The following SHOC1 variants were observed in gnomAD, a reference collection of about 807,000 sequenced individuals.
SHOC1 encodes the protein protein shortage in chiasmata 1 ortholog.
A neutral mutation model predicts 179.2 loss-of-function variants in SHOC1; 136 were observed. The observed-to-expected ratio is 0.76, with a 90% CI of 0.66 to 0.87. The LOEUF is 0.87. SHOC1 is among the 40% of genes least tolerant of loss of function. SHOC1 has a pLI of 0.00. For synonymous variants in SHOC1, 489 were observed against 586.6 expected, an observed-to-expected ratio of 0.83 and a Z score of 2.41; for missense variants, 1,538 against 1,700.8, an observed-to-expected ratio of 0.90 and a Z score of 1.68.
chr9:111,702,848 G>A (rs1345514127), intron 22 of SHOC1, among the ~76,000 whole-genome samples: 1 of 152,198 alleles, frequency 6.6e-6, no homozygotes, highest in African/African-American at 2.4e-5. Context: ...AGTAGCTCAT[G>A]CCTATAATCC....
In SHOC1 at chr9:111,706,514, T is replaced by C. The variant is rs534325964; in HGVS notation, c.2737+54A>G. 1.2e-5 allele frequency: 16 copies of C among 1,320,246 alleles called. No individual in the cohort carries two copies. In the South Asian group the frequency reaches 2.4e-4, roughly 20 times the overall value. 81.8% of individuals were successfully genotyped at this position (1,320,246 alleles called of 1,614,324 possible). ...TTATCTATAAATCATAAACAAAAAA[T>C]AGAAAATTTTCATTCTAATAAAGCA... On this transcript the variant is annotated intron_variant, in intron 20 of 27. Coordinates refer to ENST00000682961, the MANE Select transcript of SHOC1 (RefSeq NM_001378211.1).
chr9:111,714,412 G>T, intron 17 of SHOC1, 33 bp downstream of exon 17: 1 of 1,603,410 alleles, frequency 6.2e-7, no homozygotes, highest in South Asian at 1.1e-5. Context: ...TACTTAAACT[G>T]ATTATTTTAC....
chr9:111,711,858 C>T lies in SHOC1; in HGVS notation c.2488+1242G>A, dbSNP rs575709175. The stretch of plus-strand genomic sequence containing the variant: ...ATGACTATGTGATTCTCTCCAATAG[C>T]GCTCAGCATCTCAGGTGTAGGAATA... On this transcript the variant is annotated intron_variant, in intron 18 of 27. Transcript: ENST00000682961. 4.6e-5 allele frequency among the ~76,000 whole-genome samples: 7 copies of T among 152,234 alleles called. No homozygotes were observed. In the South Asian group the frequency reaches 6.2e-4, roughly 14 times the overall value.
rs72752109 is a variant in SHOC1 at position 111,752,888 on chromosome 9, A to G, written c.862+3437T>C. 2.9e-3 allele frequency among the ~76,000 whole-genome samples: 444 copies of G among 152,246 alleles called. 2 individuals carry two copies. The highest frequency in any genetic ancestry group is 0.022 in the South Asian group (106 of 4,830). On this transcript the variant is annotated intron_variant, in intron 8 of 27. Transcript: ENST00000682961. The stretch of plus-strand genomic sequence containing the variant: ...AAGACAGAGCAACAGAAATTACACA[A>G]TCTGAAAAACAATAAGAAAAAAATT...
chr9:111,729,858 C>T (rs1833485029), intron 12 of SHOC1, among the ~76,000 whole-genome samples: 1 of 146,930 alleles, frequency 6.8e-6, no homozygotes, highest in Non-Finnish European at 1.5e-5. Flanking sequence ...TGCTACTGCA[C>T]TTCAGCCTGG....
intron 4 of SHOC1, among the ~76,000 whole-genome samples, chr9:111,780,350 C>G (rs1835991787): frequency 6.6e-6 from 1 of 152,184 alleles, no homozygotes. Flanking sequence ...GCACCAAAAT[C>G]TCTACTTTAT....
intron 27 of SHOC1, among the ~76,000 whole-genome samples, chr9:111,690,281 C>T (rs995332124): frequency 1.3e-5 from 2 of 151,994 alleles, no homozygotes; most frequent in Non-Finnish European, 2.9e-5. Flanking sequence ...AATGAATTAG[C>T]CAGGCATGGT....
At chr9:111,789,714 G>A (rs1470865381) in intron 2 of SHOC1, among the ~76,000 whole-genome samples, 3 of 152,000 alleles carry the variant, frequency 2.0e-5, no homozygotes, top group East Asian at 1.9e-4. Context: ...ATTATATCAC[G>A]GACTGTTGGA....
chr9:111,729,864 C>T (rs948368817), intron 12 of SHOC1, among the ~76,000 whole-genome samples: 11 of 145,102 alleles, frequency 7.6e-5, no homozygotes, highest in African/African-American at 2.8e-4. Context: ...TGCACTTCAG[C>T]CTGGTGAGAG....
intron 5 of SHOC1, among the ~76,000 whole-genome samples, chr9:111,772,396 ACTGT>A (rs1380551248): frequency 6.6e-6 from 1 of 152,142 alleles, no homozygotes; most frequent in Non-Finnish European, 1.5e-5. Context: ...CTCACAAATG[ACTGT>A]CTTGTTAGGG....
intron 5 of SHOC1, among the ~76,000 whole-genome samples, chr9:111,765,064 C>A (rs1322827765): frequency 2.6e-5 from 4 of 151,688 alleles, no homozygotes; most frequent in African/African-American, 9.7e-5. Flanking sequence ...TCACTTGAAC[C>A]CGGGAGGCAG....
At chr9:111,689,345 A>T (rs1018650486) in intron 27 of SHOC1, among the ~76,000 whole-genome samples, 348 of 109,186 alleles carry the variant, frequency 3.2e-3, no homozygotes, top group African/African-American at 0.021. Flanking sequence ...TAATAATAAT[A>T]ATAATTATTA....
chr9:111,723,660 T>G (rs1297008652), intron 14 of SHOC1, 132 bp downstream of exon 14: 1 of 909,068 alleles, frequency 1.1e-6, no homozygotes, highest in Non-Finnish European at 1.7e-6. Context: ...AACTTGAAAG[T>G]AGGAGTGGAA....
At position 111,694,301 on chromosome 9, in the gene SHOC1, C is replaced by T; in HGVS notation, c.3245G>A (p.Ser1082Asn). The T allele has an allele frequency of 2.5e-6, 4 of 1,611,962 alleles. No individual in the cohort carries two copies. The highest frequency in any genetic ancestry group is 3.4e-6 in the Non-Finnish European group (4 of 1,178,436). Residue 1082 changes from serine to asparagine, a missense_variant, in exon 25 of 28, where the codon AGT (serine) becomes AAT (asparagine). By Grantham distance (46) the Ser-to-Asn change is conservative (BLOSUM62 1). Coordinates refer to ENST00000682961, the MANE Select transcript of SHOC1 (RefSeq NM_001378211.1). Reference protein sequence around the residue: ...ALIIRQIADHSLMTSKRDPHE... With the variant: ...ALIIRQIADHNLMTSKRDPHE... ...AGGATCTCTCTTTGAGGTCATTAAA[C>T]TGTGGTCAGCAATTTGTCGAATTAT...
rs749335204 is a variant in SHOC1 at position 111,758,198 on chromosome 9, T to TA, written c.597-4dup. ...TTTCTTGAAGAGAGAAACATTCCCT[T>TA]AAAAAAAAATACATTAATTAGTGTT... On this transcript the variant is annotated splice_polypyrimidine_tract_variant and splice_region_variant and intron_variant, in intron 6 of 27. Coordinates refer to ENST00000682961, the MANE Select transcript of SHOC1 (RefSeq NM_001378211.1). 1.6e-3 allele frequency: 2,290 copies of TA among 1,424,876 alleles called. No individual in the cohort carries two copies. The highest frequency in any genetic ancestry group is 2.1e-3 in the Admixed American group (100 of 46,968). The allele number at this position is 1,424,876 out of a possible 1,614,324, so 88.3% of individuals were successfully genotyped here.
chr9:111,695,744 A>C (rs1323040555), intron 24 of SHOC1, among the ~76,000 whole-genome samples: 1 of 152,184 alleles, frequency 6.6e-6, no homozygotes, highest in Non-Finnish European at 1.5e-5. Flanking sequence ...TAACATCACG[A>C]GTAGGAATAC....
At chr9:111,794,591 A>C (rs1459397247) in intron 1 of SHOC1, among the ~76,000 whole-genome samples, 3 of 152,150 alleles carry the variant, frequency 2.0e-5, no homozygotes, top group African/African-American at 4.8e-5. Context: ...CTTAAAACAG[A>C]CAAAAAAACG....
rs116478875 is a variant in SHOC1 at position 111,686,902 on chromosome 9, A to G, written c.4427-32T>C. 2.6e-3 allele frequency: 3,142 copies of G among 1,211,342 alleles called. 66 individuals are homozygous for G. In the African/African-American group the frequency reaches 0.043, roughly 17 times the overall value. The allele number at this position is 1,211,342 out of a possible 1,614,324, so 75.0% of individuals were successfully genotyped here. On this transcript the variant is annotated intron_variant, in intron 27 of 27. Transcript: ENST00000682961. ...AAAGGAGAAAAAGGAAAACCATTTT[A>G]TTGCTTACAATAGTAAAGTATAGGT...
chr9:111,769,986 G>GTTTTTTTTTCTTTTTTTTCTTCTTT (rs1835523178), intron 5 of SHOC1, among the ~76,000 whole-genome samples: 1 of 77,662 alleles, frequency 1.3e-5, no homozygotes. Context: ...TTTTTTTTTT[G>GTTTTTTTTTCTTTTTTTTCTTCTTT]TTTTTTTTTT....
Sources: allele counts gnomAD v4.1 joint callset (sites outside exome capture counted in the v4.1 genomes callset), GRCh38; gene constraint gnomAD v4.1.1; transcripts MANE v1.5; gene names NCBI Gene and HGNC (gene_info 2026-07-23, HGNC 2026-07-21).